Variants in ENPP1 observed in about 807,000 individuals in gnomAD.
ENPP1 encodes the protein ectonucleotide pyrophosphatase/phosphodiesterase family member 1.
A neutral mutation model predicts 122.8 loss-of-function variants in ENPP1; 73 were observed. The observed-to-expected ratio is 0.59, with a 90% confidence interval of 0.49 to 0.72. The LOEUF is 0.72. Among genes scored for constraint, ENPP1 ranks in the 30% least tolerant of loss-of-function variants. The probability of loss-of-function intolerance (pLI) is 0.00; values close to 1 mark genes in which losing one functional copy is unlikely to be tolerated. For synonymous variants in ENPP1, 367 were observed against 391.6 expected (o/e 0.94, Z 0.74); for missense variants, 978 against 1,128.1 (o/e 0.87, Z 1.91).
At chr6:131,854,369 C>A (rs1380778970) in intron 5 of ENPP1, among the ~76,000 whole-genome samples, 1 of 151,902 alleles carries the variant, frequency 6.6e-6, no homozygotes. Context: ...GCTGTGATAG[C>A]GCCACTGCAC....
In ENPP1 at chr6:131,859,674, A is replaced by C. The variant is rs554179651; in HGVS notation, c.796-713A>C. ...TATTTGGAAGAAGGGGTCAGGGGGT[A>C]CCTTGCCTCTAGTGGACAAGGGCCC... On this transcript the variant is annotated intron_variant, in intron 7 of 24. Transcript: ENST00000647893. Among the ~76,000 whole-genome samples, 3 of 152,244 alleles carry C rather than the reference A, an allele frequency of 2.0e-5. No individual in the cohort carries two copies. The East Asian group carries it at 5.8e-4, about 29-fold the overall frequency.
chr6:131,875,826 C>T lies in ENPP1; in HGVS notation c.1686C>T (p.Asp562=). 1 of 1,614,032 alleles carries T rather than the reference C, an allele frequency of 6.2e-7. No individual in the cohort carries two copies. Among genetic ancestry groups the T allele is most frequent in the African/African-American group, 1.3e-5 (1 of 75,044 alleles). ...GATTCAAGCATGGCATTGAGGCTGA[C>T]ACCTTTGAAAACATTGAAGTCTATA... ...GPGFKHGIEA[D]TFENIEVYNL... is the part of the protein sequence containing the mutation. Residue 562 remains aspartate (D), a synonymous_variant, in exon 17 of 25, where the codon GAC becomes GAT. Transcript: ENST00000647893.
intron 22 of ENPP1, among the ~76,000 whole-genome samples, chr6:131,884,149 C>T (rs111421271): frequency 0.012 from 1,885 of 152,194 alleles, 32 homozygotes; most frequent in African/African-American, 0.043. Context: ...TTAACTATTG[C>T]AGCATTTGAC....
chr6:131,865,051 C>A lies in ENPP1; in HGVS notation c.1164+113C>A, dbSNP rs183389517. The A allele has an allele frequency of 9.2e-6, 7 of 758,736 alleles. No homozygotes were observed. In the African/African-American group the frequency reaches 1.0e-4, roughly 11 times the overall value. The allele number at this position is 758,736 out of a possible 1,614,324, so 47.0% of individuals were successfully genotyped here. ...AAGATTCTATCATTTCTGGAAAAAGCAAGTATTATACACAATATTACTAAA... is the reference window on the plus strand; with the variant it reads ...AAGATTCTATCATTTCTGGAAAAAGAAAGTATTATACACAATATTACTAAA... On this transcript the variant is annotated intron_variant, in intron 11 of 24. Transcript: ENST00000647893.
At chr6:131,837,575 G>A (rs1480506770) in intron 1 of ENPP1, among the ~76,000 whole-genome samples, 1 of 143,694 alleles carries the variant, frequency 7.0e-6, no homozygotes, top group Non-Finnish European at 1.5e-5. Context: ...ACAAACCAAA[G>A]TTTATAAAAT....
intron 1 of ENPP1, among the ~76,000 whole-genome samples, chr6:131,834,760 C>T (rs1485671124): frequency 6.6e-6 from 1 of 150,486 alleles, no homozygotes; most frequent in Non-Finnish European, 1.5e-5. Flanking sequence ...GGGGTTTCAC[C>T]ATGTTGGCCA....
Position 131,877,079 on chromosome 6 carries a change from A to G in ENPP1, c.1811A>G (p.His604Arg), listed in dbSNP as rs369733062. The G allele has an allele frequency of 1.9e-5, 31 of 1,614,006 alleles. No individual in the cohort carries two copies. The highest frequency in any genetic ancestry group is 2.5e-5 in the Non-Finnish European group (30 of 1,180,016). Residue 604 changes from histidine (H) to arginine (R), a missense_variant, in exon 18 of 25, where the codon CAT (histidine) becomes CGT (arginine). By Grantham distance (29) the His-to-Arg change is conservative. Coordinates refer to ENST00000647893, the MANE Select transcript of ENPP1 (RefSeq NM_006208.3). The part of the protein sequence containing the change: ...LLKNPVYTPK[H>R]PKEVHPLVQC... ...AAGAATCCTGTTTATACGCCAAAGCATCCCAAAGAAGTGCACCCCCTGGTA... is the reference window on the plus strand; with the variant it reads ...AAGAATCCTGTTTATACGCCAAAGCGTCCCAAAGAAGTGCACCCCCTGGTA...
Position 131,892,936 on chromosome 6 carries a change from G to A in ENPP1, c.*2425G>A, listed in dbSNP as rs1206754043. The A allele has an allele frequency of 2.0e-5, 3 of 152,050 alleles. No individual in the cohort carries two copies. Among genetic ancestry groups the A allele is most frequent in the Non-Finnish European group, 1.5e-5 (1 of 68,012 alleles). 9.4% of individuals were successfully genotyped at this position (152,050 alleles called of 1,614,324 possible). On this transcript the variant is annotated 3_prime_UTR_variant, in exon 25 of 25. Coordinates refer to ENST00000647893, the MANE Select transcript of ENPP1 (RefSeq NM_006208.3). ...CCCCTGCATTTATTGACATTTCCAG[G>A]TTGCTGACTTTTTCAGCTCCAAGTT... is the stretch of plus-strand genomic sequence containing the variant.
chr6:131,857,910 A>G (rs1227193938), intron 6 of ENPP1, among the ~76,000 whole-genome samples: 2 of 152,216 alleles, frequency 1.3e-5, no homozygotes, highest in African/African-American at 4.8e-5. Context: ...AGGTACCTGT[A>G]TATGAAGTTT....
At chr6:131,845,972 T>G (rs1490667062) in intron 1 of ENPP1, among the ~76,000 whole-genome samples, 1 of 152,204 alleles carries the variant, frequency 6.6e-6, no homozygotes, top group Non-Finnish European at 1.5e-5. Context: ...GCTAACCTTT[T>G]GCTTTCTTTG....
intron 21 of ENPP1, among the ~76,000 whole-genome samples, chr6:131,882,829 G>C (rs1452418539): frequency 6.6e-6 from 1 of 151,492 alleles, no homozygotes; most frequent in Admixed American, 6.6e-5. Context: ...AACACTTCAT[G>C]GTTCCTTTCT....
At chr6:131,871,146 C>A (rs1425812012) in intron 13 of ENPP1, among the ~76,000 whole-genome samples, 2 of 152,072 alleles carry the variant, frequency 1.3e-5, no homozygotes, top group East Asian at 3.9e-4. Flanking sequence ...CTGTACCATA[C>A]CCTTATCTTA....
intron 4 of ENPP1, chr6:131,851,493 T>C: frequency 1.9e-6 from 1 of 536,332 alleles, no homozygotes. Context: ...TAATTATGAT[T>C]ATGTGCACAC....
intron 1 of ENPP1, chr6:131,827,861 ACTCGGAGAGTTTCAGAGGC>A (rs1781564411): frequency 1.4e-6 from 2 of 1,405,564 alleles, no homozygotes; most frequent in Non-Finnish European, 1.0e-6. Context: ...AAAATCTTGG[ACTCGGAGAGTTTCAGAGGC>A]CTCACTGACT....
intron 2 of ENPP1, among the ~76,000 whole-genome samples, chr6:131,848,347 T>A (rs971400446): frequency 1.3e-5 from 2 of 152,174 alleles, no homozygotes; most frequent in Admixed American, 6.5e-5. Context: ...TTGACAAGAT[T>A]ATAATAAATA....
chr6:131,880,563 T>C (rs1428846855), intron 20 of ENPP1, among the ~76,000 whole-genome samples: 1 of 148,492 alleles, frequency 6.7e-6, no homozygotes, highest in Non-Finnish European at 1.5e-5. Context: ...TGAGACTCCA[T>C]CTCAAAAAAA....
intron 9 of ENPP1, among the ~76,000 whole-genome samples, chr6:131,862,775 A>T (rs755094442): frequency 3.4e-4 from 52 of 152,206 alleles, no homozygotes; most frequent in Non-Finnish European, 6.2e-4. Context: ...TCCCAGGAGC[A>T]ATTTGGGGAG....
Position 131,882,413 on chromosome 6 carries a change from C to T in ENPP1, c.2169C>T (p.Val723=). Residue 723 remains valine (V), a synonymous_variant, in exon 21 of 25, where the codon GTC becomes GTT. Coordinates refer to ENST00000647893, the MANE Select transcript of ENPP1 (RefSeq NM_006208.3). The part of the protein sequence containing the change: ...YQDFRIPLSP[V]HKCSFYKNNT... ...ACTTTAGAATTCCTCTTAGTCCTGT[C>T]CATAAATGTTCATTTTATAAAAATA... 1 of 1,607,304 alleles carries T rather than the reference C, an allele frequency of 6.2e-7. No homozygotes were observed. The highest frequency in any genetic ancestry group is 8.5e-7 in the Non-Finnish European group (1 of 1,174,848).
intron 1 of ENPP1, chr6:131,826,084 T>G (rs1664767814): frequency 1.3e-6 from 1 of 786,232 alleles, no homozygotes; most frequent in African/African-American, 1.7e-5. Context: ...TAGGGACTGA[T>G]ATCCTTCCAG....
Sources: gnomAD v4.1 joint callset for allele counts (sites outside exome capture counted in the v4.1 genomes callset) on GRCh38, gnomAD v4.1.1 for gene constraint, MANE v1.5 for transcripts, NCBI Gene and HGNC (gene_info 2026-07-23, HGNC 2026-07-21) for gene names.